PDE4B: variants seen among roughly 807,000 people sequenced by gnomAD.
PDE4B encodes phosphodiesterase 4B, also known as 3',5'-cyclic-AMP phosphodiesterase 4B.
PDE4B carries 20 observed loss-of-function variants against 82.2 expected under a neutral mutation model. The observed-to-expected ratio is 0.24, with a 90% CI of 0.17 to 0.35. The LOEUF is 0.35. Among genes scored for constraint, PDE4B ranks in the 10% least tolerant of loss-of-function variants. The pLI is 1.00. For missense variants in PDE4B, 655 were observed against 907.2 expected (o/e 0.72, Z 3.57); for synonymous variants, 320 against 318.9 (o/e 1.00, Z -0.04).
chr1:66,175,153 C>T (rs1337589790), intron 3 of PDE4B, among the ~76,000 whole-genome samples: 2 of 152,142 alleles, frequency 1.3e-5, no homozygotes, highest in African/African-American at 4.8e-5. Flanking sequence ...TATCACCTAC[C>T]AAGGCAATTA....
chr1:66,168,829 A>G (rs962799819), intron 3 of PDE4B, among the ~76,000 whole-genome samples: 5 of 152,204 alleles, frequency 3.3e-5, no homozygotes, highest in African/African-American at 1.2e-4. Flanking sequence ...CCATCTGTGT[A>G]CCTGTATTAT....
At chr1:65,819,149 C>T (rs1043487984) in intron 1 of PDE4B, among the ~76,000 whole-genome samples, 20 of 151,906 alleles carry the variant, frequency 1.3e-4, no homozygotes, top group Non-Finnish European at 1.9e-4. Flanking sequence ...TTTCATTGGC[C>T]AAAGCAAGCC....
chr1:66,165,378 C>T (rs1646708077), intron 3 of PDE4B, among the ~76,000 whole-genome samples: 1 of 152,020 alleles, frequency 6.6e-6, no homozygotes, highest in Non-Finnish European at 1.5e-5. Flanking sequence ...ATGGATTTCT[C>T]TCAGGAAACT....
Position 66,288,549 on chromosome 1 carries a change from GAATA to G in PDE4B, c.634+22466_634+22469del, listed in dbSNP as rs577938910. Among the ~76,000 whole-genome samples the G allele has an allele frequency of 5.1e-3, 784 of 152,260 alleles. 5 individuals carry two copies. The highest frequency in any genetic ancestry group is 0.018 in the African/African-American group (741 of 41,562). On this transcript the variant is annotated intron_variant, in intron 7 of 16. Coordinates refer to ENST00000341517, the MANE Select transcript of PDE4B (RefSeq NM_002600.4). ...TATATAGCCTGCTACAAATGACGCTGAATAAATGTTAAAGAACGTGAAGTTTGAC... is the reference window on the plus strand; with the variant it reads ...TATATAGCCTGCTACAAATGACGCTGAATGTTAAAGAACGTGAAGTTTGAC...
Position 66,184,047 on chromosome 1 carries a change from G to A in PDE4B, c.282-63413G>A, listed in dbSNP as rs545552864. On this transcript the variant is annotated intron_variant, in intron 3 of 16. Transcript: ENST00000341517. ...GGCAAGATGATCTGAGGGATGATGG[G>A]AATGACACAAACAATGTTTGGAAAC... is the stretch of plus-strand genomic sequence containing the variant. Among the ~76,000 whole-genome samples, 10 of 152,276 alleles carry A rather than the reference G, an allele frequency of 6.6e-5. No individual in the cohort carries two copies. In the South Asian group the frequency reaches 1.9e-3, roughly 28 times the overall value.
chr1:66,204,937 G>T (rs71649217), intron 3 of PDE4B, among the ~76,000 whole-genome samples: 1 of 152,178 alleles, frequency 6.6e-6, no homozygotes, highest in Non-Finnish European at 1.5e-5. Context: ...CTTCTGTGTC[G>T]CTCATGCTGG....
intron 3 of PDE4B, among the ~76,000 whole-genome samples, chr1:65,926,387 C>T (rs1166066265): frequency 2.0e-5 from 3 of 152,092 alleles, no homozygotes; most frequent in Non-Finnish European, 2.9e-5. Flanking sequence ...TCCTTTCATC[C>T]CACACTTGTT....
chr1:66,286,819 G>A (rs1656709235), intron 7 of PDE4B, among the ~76,000 whole-genome samples: 1 of 152,096 alleles, frequency 6.6e-6, no homozygotes, highest in African/African-American at 2.4e-5. Flanking sequence ...GTAATAAAGA[G>A]AATATTCTGA....
chr1:66,077,232 T>A (rs926800170), intron 3 of PDE4B, among the ~76,000 whole-genome samples: 1 of 152,160 alleles, frequency 6.6e-6, no homozygotes, highest in Admixed American at 6.6e-5. Flanking sequence ...CTAGGTCTGA[T>A]TGCTTTTTCT....
At chr1:66,015,259 G>A (rs17419866) in intron 3 of PDE4B, among the ~76,000 whole-genome samples, 2 of 152,098 alleles carry the variant, frequency 1.3e-5, no homozygotes, top group African/African-American at 4.8e-5. Flanking sequence ...AATAATCAAG[G>A]ATTACAGAAA....
At chr1:66,331,630 G>T (rs143192532) in intron 7 of PDE4B, 23 of 374,586 alleles carry the variant, frequency 6.1e-5, no homozygotes, top group Middle Eastern at 1.4e-3. Flanking sequence ...CAACAAATTG[G>T]AGCCCCCAGC....
intron 1 of PDE4B, among the ~76,000 whole-genome samples, chr1:65,888,971 A>C (rs1347023594): frequency 1.3e-5 from 2 of 152,092 alleles, no homozygotes; most frequent in Non-Finnish European, 2.9e-5. Context: ...TTCCAATACT[A>C]TGTTGAATAG....
rs535357517 is a variant in PDE4B, at chr1:66,354,719, CT to C, written c.748-804del. 9.7e-4 allele frequency: 1,392 copies of C among 1,436,582 alleles called. 2 individuals carry two copies. Among genetic ancestry groups the C allele is most frequent in the Non-Finnish European group, 1.2e-3 (1,291 of 1,098,452 alleles). 89.0% of individuals were successfully genotyped at this position (1,436,582 alleles called of 1,614,324 possible). On this transcript the variant is annotated intron_variant, in intron 8 of 16. Coordinates refer to ENST00000341517, the MANE Select transcript of PDE4B (RefSeq NM_002600.4). ...TGCCATACATTTTGGAGGTTTTTGT[CT>C]TTTCTAAGTTTTGATTATTTTATCA...
chr1:66,183,839 C>T lies in PDE4B; in HGVS notation c.282-63621C>T, dbSNP rs538761294. The stretch of plus-strand genomic sequence containing the variant: ...ACTGAGGACAAAACAAGCATCCACA[C>T]GTACCTTAAATCACAAGGCAGAATA... On this transcript the variant is annotated intron_variant, in intron 3 of 16. Transcript: ENST00000341517. Among the ~76,000 whole-genome samples the T allele has an allele frequency of 1.2e-4, 19 of 152,254 alleles. No individual in the cohort carries two copies. The South Asian group carries it at 3.1e-3, about 25-fold the overall frequency.
chr1:66,272,781 T>TTTC (rs1655600349), intron 7 of PDE4B, among the ~76,000 whole-genome samples: 1 of 114,262 alleles, frequency 8.8e-6, no homozygotes, highest in Non-Finnish European at 1.7e-5. Context: ...CTAGAATTCT[T>TTTC]TTTTTTTTTT....
At chr1:66,309,512 T>C (rs1267439228) in intron 7 of PDE4B, among the ~76,000 whole-genome samples, 1 of 152,178 alleles carries the variant, frequency 6.6e-6, no homozygotes, top group Admixed American at 6.5e-5. Context: ...TTGCGGTAAA[T>C]CCTTTTCAGT....
intron 3 of PDE4B, among the ~76,000 whole-genome samples, chr1:66,176,117 C>G (rs2101369699): frequency 6.6e-6 from 1 of 152,288 alleles, no homozygotes; most frequent in East Asian, 1.9e-4. Flanking sequence ...TTAGCTTGCT[C>G]CTAAGACCTT....
At chr1:66,208,104 G>A (rs963895519) in intron 3 of PDE4B, among the ~76,000 whole-genome samples, 7 of 152,108 alleles carry the variant, frequency 4.6e-5, no homozygotes, top group Non-Finnish European at 7.4e-5. Context: ...TATCAATTAA[G>A]TAGCTTAAGT....
chr1:66,253,806 A>G (rs1194415819), intron 4 of PDE4B, among the ~76,000 whole-genome samples: 1 of 152,240 alleles, frequency 6.6e-6, no homozygotes, highest in Non-Finnish European at 1.5e-5. Context: ...ATTTTCTAAC[A>G]TACAGCATTA....
Sources: allele counts gnomAD v4.1 joint callset (sites outside exome capture counted in the v4.1 genomes callset), GRCh38; gene constraint gnomAD v4.1.1; transcripts MANE v1.5; gene names NCBI Gene and HGNC (gene_info 2026-07-23, HGNC 2026-07-21).